The following SDK1 variants were observed in gnomAD, a reference collection of about 807,000 sequenced individuals.
SDK1 encodes sidekick cell adhesion molecule 1, also known as protein sidekick-1.
In SDK1, 157 loss-of-function variants were observed where a neutral mutation model predicts 245.5. That is an observed-to-expected ratio of 0.64 (90% CI 0.56 to 0.73). The LOEUF (loss-of-function observed/expected upper bound fraction) is 0.73, where lower values mean the gene tolerates loss of function less well. SDK1 is among the 30% of genes least tolerant of loss of function. The pLI, the probability that SDK1 is intolerant of heterozygous loss-of-function variation, is 0.00. For missense variants in SDK1, 3,583 were observed against 3,002.3 expected, an observed-to-expected ratio of 1.19 and a Z score of -4.52; for synonymous variants, 1,647 against 1,278.5, an observed-to-expected ratio of 1.29 and a Z score of -6.15.
At chr7:3,836,547 C>T (rs1780032508) in intron 5 of SDK1, among the ~76,000 whole-genome samples, 2 of 152,166 alleles carry the variant, frequency 1.3e-5, no homozygotes, top group South Asian at 4.1e-4. Flanking sequence ...GACAAACAAG[C>T]ACTTTCAATA....
intron 5 of SDK1, among the ~76,000 whole-genome samples, chr7:3,894,643 G>C (rs1245567353): frequency 6.6e-6 from 1 of 151,730 alleles, no homozygotes; most frequent in East Asian, 1.9e-4. Context: ...AGATACATGT[G>C]CTTCACTATA....
chr7:3,557,583 C>G (rs1199641251), intron 1 of SDK1, among the ~76,000 whole-genome samples: 1 of 152,194 alleles, frequency 6.6e-6, no homozygotes, highest in African/African-American at 2.4e-5. Context: ...AAATATCAAA[C>G]TGAGGAAATC....
At chr7:4,077,988 G>T (rs1358801041) in intron 21 of SDK1, among the ~76,000 whole-genome samples, 1 of 152,230 alleles carries the variant, frequency 6.6e-6, no homozygotes, top group Non-Finnish European at 1.5e-5. Context: ...GTTTTCCTGA[G>T]ATGTCTTGGA....
chr7:4,245,190 C>A (rs1045515579), intron 43 of SDK1, among the ~76,000 whole-genome samples: 47 of 152,266 alleles, frequency 3.1e-4, no homozygotes, highest in African/African-American at 8.2e-4. Context: ...GAATGCTCCC[C>A]CACCAGACAG....
intron 2 of SDK1, among the ~76,000 whole-genome samples, chr7:3,623,618 A>C (rs1258747600): frequency 6.6e-6 from 1 of 152,184 alleles, no homozygotes; most frequent in Non-Finnish European, 1.5e-5. Context: ...GTTGACGGTA[A>C]TTCAGCAATT....
chr7:3,429,856 G>A (rs971562574), intron 1 of SDK1, among the ~76,000 whole-genome samples: 8 of 152,014 alleles, frequency 5.3e-5, no homozygotes, highest in African/African-American at 1.4e-4. Flanking sequence ...CTCCCAATGA[G>A]TTGGGATTAC....
chr7:4,089,825 C>A (rs930910759), intron 22 of SDK1, among the ~76,000 whole-genome samples: 2 of 152,218 alleles, frequency 1.3e-5, no homozygotes, highest in African/African-American at 2.4e-5. Context: ...CCCCTCCACC[C>A]AAAGGCCTCA....
At chr7:3,483,386 T>G (rs1781577682) in intron 1 of SDK1, among the ~76,000 whole-genome samples, 2 of 152,196 alleles carry the variant, frequency 1.3e-5, no homozygotes, top group Non-Finnish European at 2.9e-5. Flanking sequence ...TTGGCTATAT[T>G]GAAGATGTAA....
intron 35 of SDK1, among the ~76,000 whole-genome samples, chr7:4,188,687 AAAAG>A (rs765956995): frequency 3.5e-4 from 53 of 152,168 alleles, no homozygotes; most frequent in African/African-American, 8.7e-4. Flanking sequence ...ATCAAAAAAA[AAAAG>A]AAAGAAAGAA....
At chr7:3,769,138 G>T (rs1562429836) in intron 4 of SDK1, among the ~76,000 whole-genome samples, 1 of 152,326 alleles carries the variant, frequency 6.6e-6, no homozygotes, top group East Asian at 1.9e-4. Flanking sequence ...AATACAGAGA[G>T]ATCCCATGGA....
chr7:4,017,332 C>A lies in SDK1; in HGVS notation c.2582C>A (p.Thr861Asn). The A allele has an allele frequency of 6.2e-7, 1 of 1,611,750 alleles. No homozygotes were observed. The highest frequency in any genetic ancestry group is 8.5e-7 in the Non-Finnish European group (1 of 1,179,018). The change falls in exon 17 of 45, where the codon ACC (threonine) becomes AAC (asparagine). Residue 861 changes from threonine (T) to asparagine (N), a missense_variant. Coordinates refer to ENST00000404826, the MANE Select transcript of SDK1 (RefSeq NM_152744.4). Reference sequence around the variant, plus strand: ...CTGGGCGTCTTCAGCAGGGCAGTGACCGAGTACACCTTGCAGGGAGGTAAG... The same window carrying A: ...CTGGGCGTCTTCAGCAGGGCAGTGAACGAGTACACCTTGCAGGGAGGTAAG... ...AGLGVFSRAV[T>N]EYTLQGVPTA...
intron 4 of SDK1, among the ~76,000 whole-genome samples, chr7:3,728,311 C>G (rs775191473): frequency 6.6e-6 from 1 of 152,228 alleles, no homozygotes; most frequent in African/African-American, 2.4e-5. Flanking sequence ...AGGGTTCACT[C>G]CTTCTGGGTA....
chr7:3,750,027 G>T (rs1433206603), intron 4 of SDK1, among the ~76,000 whole-genome samples: 9 of 152,172 alleles, frequency 5.9e-5, no homozygotes, highest in African/African-American at 1.9e-4. Context: ...TGGTTAAAAC[G>T]TGTGTGTTAG....
intron 14 of SDK1, among the ~76,000 whole-genome samples, chr7:3,996,103 C>T (rs1384085766): frequency 6.6e-6 from 1 of 152,128 alleles, no homozygotes; most frequent in African/African-American, 2.4e-5. Context: ...TACTCTGGCA[C>T]ACTACTTTTC....
chr7:4,193,374 A>ATT (rs917502618), intron 35 of SDK1, among the ~76,000 whole-genome samples: 4 of 5,814 alleles, frequency 6.9e-4, no homozygotes, highest in African/African-American at 1.4e-3. Context: ...TAAAATATTT[A>ATT]TATATATATA....
intron 1 of SDK1, among the ~76,000 whole-genome samples, chr7:3,459,969 A>C (rs1056069345): frequency 6.6e-6 from 1 of 152,236 alleles, no homozygotes; most frequent in Non-Finnish European, 1.5e-5. Flanking sequence ...TAGCAAAGAA[A>C]GTGATTTTTA....
chr7:3,931,619 A>T (rs2092719369), intron 5 of SDK1, among the ~76,000 whole-genome samples: 1 of 152,210 alleles, frequency 6.6e-6, no homozygotes, highest in Non-Finnish European at 1.5e-5. Context: ...TAAGCTCCTT[A>T]AACTCCCCGC....
intron 1 of SDK1, among the ~76,000 whole-genome samples, chr7:3,589,810 T>A (rs1408478651): frequency 1.3e-5 from 2 of 152,174 alleles, no homozygotes; most frequent in Non-Finnish European, 2.9e-5. Context: ...CAATTCAAGA[T>A]GAGATTTGGG....
At chr7:4,172,383 C>T (rs1358959243) in intron 32 of SDK1, among the ~76,000 whole-genome samples, 1 of 152,174 alleles carries the variant, frequency 6.6e-6, no homozygotes, top group Non-Finnish European at 1.5e-5. Flanking sequence ...CTCGTTGCTA[C>T]CACAGTGCAA....
Sources: gnomAD v4.1 joint callset for allele counts (sites outside exome capture counted in the v4.1 genomes callset) on GRCh38, gnomAD v4.1.1 for gene constraint, MANE v1.5 for transcripts, NCBI Gene and HGNC (gene_info 2026-07-23, HGNC 2026-07-21) for gene names.